Variants in RBMS3 observed in about 807,000 individuals in gnomAD.
RBMS3 encodes RNA binding motif single stranded interacting protein 3.
RBMS3 carries 27 observed loss-of-function variants against 66.8 expected under a neutral mutation model. That is an observed-to-expected ratio of 0.40 (90% CI 0.30 to 0.56). The LOEUF (loss-of-function observed/expected upper bound fraction) is 0.56. RBMS3 is among the 20% of genes least tolerant of loss of function. RBMS3 has a pLI of 0.40. For missense variants in RBMS3, 513 were observed against 549.5 expected, an observed-to-expected ratio of 0.93 and a Z score of 0.66; for synonymous variants, 188 against 183.0, an observed-to-expected ratio of 1.03 and a Z score of -0.22.
At chr3:29,377,621 G>A (rs1403452524) in intron 1 of RBMS3, among the ~76,000 whole-genome samples, 1 of 152,160 alleles carries the variant, frequency 6.6e-6, no homozygotes, top group African/African-American at 2.4e-5. Flanking sequence ...CTTTCCAAGA[G>A]TTCCATTAAA....
intron 14 of RBMS3, among the ~76,000 whole-genome samples, chr3:29,997,822 G>A (rs1038092740): frequency 6.6e-6 from 1 of 152,146 alleles, no homozygotes; most frequent in South Asian, 2.1e-4. Context: ...ATACTGAATG[G>A]GCAAAAACTG....
At chr3:29,899,002 G>A (rs1253992050) in intron 9 of RBMS3, among the ~76,000 whole-genome samples, 2 of 151,452 alleles carry the variant, frequency 1.3e-5, no homozygotes, top group East Asian at 3.9e-4. Context: ...AAGTGTTTTG[G>A]CAATTCTGTG....
chr3:29,962,047 T>C (rs1242316580), intron 12 of RBMS3, among the ~76,000 whole-genome samples: 1 of 145,914 alleles, frequency 6.9e-6, no homozygotes, highest in African/African-American at 2.5e-5. Context: ...ATATATTATA[T>C]ATGTGTATAT....
At chr3:29,868,118 A>G (rs2059403601) in intron 6 of RBMS3, among the ~76,000 whole-genome samples, 1 of 152,146 alleles carries the variant, frequency 6.6e-6, no homozygotes, top group African/African-American at 2.4e-5. Context: ...TCATTTTCCA[A>G]TGTAATTGTT....
intron 8 of RBMS3, among the ~76,000 whole-genome samples, chr3:29,884,457 TCTCTCTCTCTCTCC>T (rs1221375152): frequency 1.0e-4 from 14 of 136,998 alleles, no homozygotes; most frequent in Admixed American, 2.2e-4. Flanking sequence ...TCTCTCTCTC[TCTCTCTCTCTCTCC>T]CCCCCCGCTC....
At chr3:29,721,485 G>C (rs895124517) in intron 4 of RBMS3, among the ~76,000 whole-genome samples, 3 of 152,138 alleles carry the variant, frequency 2.0e-5, no homozygotes, top group Admixed American at 6.5e-5. Context: ...AGACATTCCT[G>C]TGTGTGTAGA....
At position 29,729,085 on chromosome 3, in the gene RBMS3, C is replaced by A. The variant is rs576165012; in HGVS notation, c.400-10635C>A. On this transcript the variant is annotated intron_variant, in intron 4 of 14. Coordinates refer to ENST00000383767, the MANE Select transcript of RBMS3 (RefSeq NM_001003793.3). Reference sequence around the variant, plus strand: ...TGCCATGTTGGTTTGCTGCACCCATCAGCTTGTCATTTACATTAGGTATTT... The same window carrying A: ...TGCCATGTTGGTTTGCTGCACCCATAAGCTTGTCATTTACATTAGGTATTT... 1.6e-4 allele frequency among the ~76,000 whole-genome samples: 24 copies of A among 151,648 alleles called. No homozygotes were observed. The South Asian group carries it at 2.3e-3, about 14-fold the overall frequency.
At chr3:29,685,081 C>T (rs1388038263) in intron 4 of RBMS3, among the ~76,000 whole-genome samples, 4 of 151,284 alleles carry the variant, frequency 2.6e-5, no homozygotes, top group Non-Finnish European at 4.4e-5. Flanking sequence ...TGTTTTGAGA[C>T]GGAGTCTTGC....
At chr3:29,386,584 A>G (rs1385853025) in intron 1 of RBMS3, among the ~76,000 whole-genome samples, 1 of 152,114 alleles carries the variant, frequency 6.6e-6, no homozygotes, top group Non-Finnish European at 1.5e-5. Flanking sequence ...CAAAGCAGCA[A>G]TTGTTGCTCT....
rs1370289207 is a variant in RBMS3 at position 29,437,613 on chromosome 3, A to G, written c.248+2698A>G. 1.3e-5 allele frequency among the ~76,000 whole-genome samples: 2 copies of G among 152,072 alleles called. 1 individual carries two copies. Among genetic ancestry groups the G allele is most frequent in the Non-Finnish European group, 2.9e-5 (2 of 68,008 alleles). On this transcript the variant is annotated intron_variant, in intron 2 of 14. Coordinates refer to ENST00000383767, the MANE Select transcript of RBMS3 (RefSeq NM_001003793.3). ...AGAACTGGGATTTATTGCTTAGATT[A>G]TTTTTCCTAGAGAATCTTAAAGAAC...
intron 4 of RBMS3, among the ~76,000 whole-genome samples, chr3:29,647,782 G>A (rs2049985010): frequency 6.6e-6 from 1 of 152,154 alleles, no homozygotes; most frequent in African/African-American, 2.4e-5. Context: ...TAACTAATGT[G>A]TGTGATAGTC....
intron 3 of RBMS3, among the ~76,000 whole-genome samples, chr3:29,556,645 G>A (rs1173986576): frequency 1.3e-5 from 2 of 152,026 alleles, no homozygotes; most frequent in Admixed American, 6.6e-5. Context: ...GGTATTTAGA[G>A]AAGATACTCT....
rs183103467 is a variant in RBMS3 at position 29,443,338 on chromosome 3, C to A, written c.248+8423C>A. Among the ~76,000 whole-genome samples, 9 of 152,130 alleles carry A rather than the reference C, an allele frequency of 5.9e-5. No homozygotes were observed. In the East Asian group the frequency reaches 1.7e-3, roughly 29 times the overall value. On this transcript the variant is annotated intron_variant, in intron 2 of 14. Transcript: ENST00000383767. Reference sequence around the variant, plus strand: ...TACTTATTGATTGTCATCTGTGTACCAAGCACTGCAGATATCTTAAGGATT... The same window carrying A: ...TACTTATTGATTGTCATCTGTGTACAAAGCACTGCAGATATCTTAAGGATT...
intron 11 of RBMS3, among the ~76,000 whole-genome samples, chr3:29,940,526 G>T (rs2061367522): frequency 6.6e-6 from 1 of 151,748 alleles, no homozygotes. Context: ...TTTAGAAGGG[G>T]GATCTTGAAC....
intron 6 of RBMS3, among the ~76,000 whole-genome samples, chr3:29,771,220 A>C (rs1264667394): frequency 6.6e-6 from 1 of 152,058 alleles, no homozygotes; most frequent in Non-Finnish European, 1.5e-5. Flanking sequence ...TTTTCAGTAC[A>C]AAAAATAAAT....
intron 6 of RBMS3, among the ~76,000 whole-genome samples, chr3:29,860,352 T>C (rs773058441): frequency 1.3e-5 from 2 of 152,240 alleles, no homozygotes; most frequent in Non-Finnish European, 2.9e-5. Flanking sequence ...TAACAAACAT[T>C]TGATTAAAAC....
intron 1 of RBMS3, among the ~76,000 whole-genome samples, chr3:29,392,218 C>T (rs982465416): frequency 6.6e-6 from 1 of 152,080 alleles, no homozygotes. Context: ...CCACTGCACT[C>T]CAGCCTGGGC....
At chr3:29,921,279 G>T (rs2060772195) in intron 10 of RBMS3, among the ~76,000 whole-genome samples, 1 of 151,682 alleles carries the variant, frequency 6.6e-6, no homozygotes, top group Non-Finnish European at 1.5e-5. Flanking sequence ...GACCAGGCTG[G>T]TCAGGAACTC....
intron 4 of RBMS3, among the ~76,000 whole-genome samples, chr3:29,593,637 A>G (rs9872746): frequency 0.15 from 22,638 of 152,208 alleles, 1,934 homozygotes; most frequent in East Asian, 0.32. Context: ...AAGGATCAGA[A>G]ATCCCTATAT....
Sources: gnomAD v4.1 joint callset for allele counts (sites outside exome capture counted in the v4.1 genomes callset) on GRCh38, gnomAD v4.1.1 for gene constraint, MANE v1.5 for transcripts, NCBI Gene and HGNC (gene_info 2026-07-23, HGNC 2026-07-21) for gene names.